PAICS: variants seen among roughly 807,000 people sequenced by gnomAD.
PAICS encodes the protein bifunctional phosphoribosylaminoimidazole carboxylase/phosphoribosylaminoimidazole succinocarboxamide synthetase.
In PAICS, 33 loss-of-function variants were observed where a neutral mutation model predicts 53.7. The observed-to-expected ratio is 0.61, with a 90% CI of 0.47 to 0.82. The LOEUF (loss-of-function observed/expected upper bound fraction) is 0.82. Among genes scored for constraint, PAICS ranks in the 40% least tolerant of loss-of-function variants. PAICS has a pLI of 0.00. For synonymous variants in PAICS, 141 were observed against 167.2 expected (o/e 0.84, Z 1.21); for missense variants, 394 against 494.1 (o/e 0.80, Z 1.92).
chr4:56,435,589 T>A (rs1050272780), upstream of PAICS: 10 of 1,565,612 alleles, frequency 6.4e-6, no homozygotes, highest in South Asian at 1.2e-5. Flanking sequence ...GACAGGCTCT[T>A]CCTTCCCGAG....
At chr4:56,457,838 T>G (rs1052748007) in intron 8 of PAICS, among the ~76,000 whole-genome samples, 1 of 152,080 alleles carries the variant, frequency 6.6e-6, no homozygotes, top group Non-Finnish European at 1.5e-5. Flanking sequence ...TTTCTTGGTC[T>G]GCTAACTTAG....
intron 2 of PAICS, chr4:56,442,157 T>C (rs989590272): frequency 4.1e-5 from 10 of 243,182 alleles, no homozygotes; most frequent in Non-Finnish European, 6.3e-5. Flanking sequence ...AATTTAACTA[T>C]GAAGGAAACC....
upstream of PAICS, chr4:56,435,205 C>G: frequency 1.6e-6 from 2 of 1,239,408 alleles, no homozygotes; most frequent in Non-Finnish European, 1.1e-6. Flanking sequence ...CCTAGGCAAC[C>G]CGGTCGACGC....
At chr4:56,439,565 A>C (rs1560657128) in intron 1 of PAICS, among the ~76,000 whole-genome samples, 1 of 151,900 alleles carries the variant, frequency 6.6e-6, no homozygotes, top group Non-Finnish European at 1.5e-5. Context: ...CCTCTCTTTT[A>C]TCCTCCATGA....
chr4:56,415,963 A>G, the PAICS span, among the ~76,000 whole-genome samples: 5 of 152,056 alleles, frequency 3.3e-5, no homozygotes, highest in Admixed American at 3.3e-4. Flanking sequence ...CCAGCTACTC[A>G]TAAGGCTGAG....
At chr4:56,450,750 A>T (rs1302747019) in intron 6 of PAICS, 48 bp downstream of exon 6, 15 of 919,496 alleles carry the variant, frequency 1.6e-5, no homozygotes, top group Admixed American at 2.2e-5. Context: ...TTTTCTTCTA[A>T]GAAAATCTTG....
chr4:56,454,031 T>C (rs1458182670), intron 8 of PAICS, among the ~76,000 whole-genome samples: 2 of 152,226 alleles, frequency 1.3e-5, no homozygotes, highest in East Asian at 3.8e-4. Flanking sequence ...AGGAGCCCAC[T>C]ATCTGATGCA....
Position 56,462,503 on chromosome 4 carries a change from G to A in PAICS, c.*2965G>A, listed in dbSNP as rs1031005650. ...AGAGGCTATTGTAGCCCAGGTGAGGGATGATGTATGATCTTCAACATGTCT... is the reference window on the plus strand; with the variant it reads ...AGAGGCTATTGTAGCCCAGGTGAGGAATGATGTATGATCTTCAACATGTCT... On this transcript the variant is annotated 3_prime_UTR_variant, in exon 9 of 9. Coordinates refer to ENST00000512576, the MANE Select transcript of PAICS (RefSeq NM_001079524.2). 2 of 152,178 alleles carry A rather than the reference G, an allele frequency of 1.3e-5. No homozygotes were observed. Among genetic ancestry groups the A allele is most frequent in the Non-Finnish European group, 2.9e-5 (2 of 68,032 alleles). 9.4% of individuals were successfully genotyped at this position (152,178 alleles called of 1,614,324 possible). A position where few individuals can be genotyped will look rare whatever the true frequency, so the allele number is the denominator to read the frequency against.
At chr4:56,458,073 T>C (rs1039224129) in intron 8 of PAICS, among the ~76,000 whole-genome samples, 2 of 152,296 alleles carry the variant, frequency 1.3e-5, no homozygotes, top group African/African-American at 2.4e-5. Context: ...TAGATACCCA[T>C]GGAGCTTACA....
chr4:56,448,375 A>G (rs763666397), intron 3 of PAICS, 43 bp from the exon 4 acceptor site: 5 of 1,366,794 alleles, frequency 3.7e-6, no homozygotes, highest in Non-Finnish European at 4.9e-6. Context: ...AAGTTTAAAA[A>G]TTTTAGATTG....
At position 56,463,978 on chromosome 4, in the gene PAICS, A is replaced by T. The variant is rs1719598062; in HGVS notation, c.*4440A>T. 1 of 152,154 alleles carries T rather than the reference A, an allele frequency of 6.6e-6. No homozygotes were observed. Among genetic ancestry groups the T allele is most frequent in the African/African-American group, 2.4e-5 (1 of 41,372 alleles). 9.4% of individuals were successfully genotyped at this position (152,154 alleles called of 1,614,324 possible). ...GGGCCTGAATAGAACAAAAAAGGGG[A>T]AGAAGGGTGAACTGCTGGGACATCC... On this transcript the variant is annotated 3_prime_UTR_variant, in exon 9 of 9. Coordinates refer to ENST00000512576, the MANE Select transcript of PAICS (RefSeq NM_001079524.2).
the PAICS span, among the ~76,000 whole-genome samples, chr4:56,415,988 T>C: frequency 6.6e-6 from 1 of 151,706 alleles, no homozygotes; most frequent in African/African-American, 2.4e-5. Context: ...GAGAATTGCT[T>C]GAACCCGGGA....
At chr4:56,419,946 A>G in the PAICS span, 1 of 983,910 alleles carries the variant, frequency 1.0e-6, no homozygotes, top group East Asian at 1.1e-4. Flanking sequence ...GTTGGATGCT[A>G]TTCTGGGACC....
chr4:56,411,232 TAAG>T, the PAICS span, among the ~76,000 whole-genome samples: 24 of 152,198 alleles, frequency 1.6e-4, no homozygotes, highest in Non-Finnish European at 3.2e-4. Context: ...TTTAATTTTA[TAAG>T]AGTGGTAAAT....
chr4:56,438,403 A>ATATATATATATG (rs71194108), intron 1 of PAICS, among the ~76,000 whole-genome samples: 4 of 114,474 alleles, frequency 3.5e-5, no homozygotes, highest in African/African-American at 1.1e-4. Context: ...ATATATATAT[A>ATATATATATATG]AAAGGTTTTT....
At chr4:56,435,770 G>T (rs1337963178), upstream of PAICS, 13 of 1,501,280 alleles carry the variant, frequency 8.7e-6, no homozygotes, top group South Asian at 6.0e-5. Context: ...CCTAAGAGCT[G>T]CCTGGAAAGC....
At chr4:56,435,962 G>C (rs575763486), upstream of PAICS, 2 of 1,507,202 alleles carry the variant, frequency 1.3e-6, no homozygotes, top group Non-Finnish European at 1.8e-6. Flanking sequence ...TCCCGCAGCC[G>C]AGAAGGGGCC....
At chr4:56,415,302 A>G in the PAICS span, among the ~76,000 whole-genome samples, 3 of 152,248 alleles carry the variant, frequency 2.0e-5, no homozygotes, top group Non-Finnish European at 4.4e-5. Flanking sequence ...AAAGATACTT[A>G]TCCGCCTCCC....
In PAICS at chr4:56,441,541, A is replaced by G. The variant is rs1324274073; in HGVS notation, c.17-122A>G. The G allele has an allele frequency of 8.7e-6, 4 of 459,058 alleles. No individual in the cohort carries two copies. The Admixed American group carries it at 1.2e-4, about 14-fold the overall frequency. The allele number at this position is 459,058 out of a possible 1,614,324, so 28.4% of individuals were successfully genotyped here. On this transcript the variant is annotated intron_variant, in intron 1 of 8. Coordinates refer to ENST00000512576, the MANE Select transcript of PAICS (RefSeq NM_001079524.2). Reference sequence around the variant, plus strand: ...TAGAGTATATGGTTTTATACAGATGATTTAATTTTTATTAATATTACTTAA... The same window carrying G: ...TAGAGTATATGGTTTTATACAGATGGTTTAATTTTTATTAATATTACTTAA...
Sources: allele counts gnomAD v4.1 joint callset (sites outside exome capture counted in the v4.1 genomes callset), GRCh38; gene constraint gnomAD v4.1.1; transcripts MANE v1.5; gene names NCBI Gene and HGNC (gene_info 2026-07-23, HGNC 2026-07-21).